POMZP3: variants seen among roughly 807,000 people sequenced by gnomAD.
POMZP3 encodes the protein POM121 and ZP3 fusion protein.
POMZP3 carries 10 observed loss-of-function variants against 19.8 expected under a neutral mutation model. The ratio of observed to expected loss-of-function variants is 0.51; its 90% CI spans 0.31 to 0.86. The LOEUF (loss-of-function observed/expected upper bound fraction) is 0.86. POMZP3 is among the 40% of genes least tolerant of loss of function. POMZP3 has a pLI of 0.04. For missense variants in POMZP3, 152 were observed against 228.1 expected, an observed-to-expected ratio of 0.67 and a Z score of 2.15; for synonymous variants, 57 against 85.8, an observed-to-expected ratio of 0.66 and a Z score of 1.85.
chr7:76,618,796 A>G (rs1489480440), intron 3 of POMZP3, among the ~76,000 whole-genome samples: 1 of 151,706 alleles, frequency 6.6e-6, no homozygotes, highest in African/African-American at 2.4e-5. Context: ...ATTGTTAAAG[A>G]TTTTATTTAT....
intron 6 of POMZP3, among the ~76,000 whole-genome samples, chr7:76,610,435 C>T (rs1815037741): frequency 6.6e-6 from 1 of 151,952 alleles, no homozygotes; most frequent in Non-Finnish European, 1.5e-5. Context: ...GGCAGATCAC[C>T]TGAGGTCAGG....
chr7:76,611,678 C>G, intron 5 of POMZP3, 44 bp downstream of exon 5: 2 of 1,524,354 alleles, frequency 1.3e-6, no homozygotes, highest in Non-Finnish European at 1.8e-6. Context: ...GACAAGGGGT[C>G]GCCGATTCAG....
chr7:76,619,918 C>G (rs1815460763), intron 3 of POMZP3, among the ~76,000 whole-genome samples: 1 of 94,826 alleles, frequency 1.1e-5, no homozygotes, highest in African/African-American at 4.8e-5. Context: ...ACTTGGGAGA[C>G]TGAGGCAGGA....
chr7:76,619,314 G>T (rs1466848536), intron 3 of POMZP3, among the ~76,000 whole-genome samples: 1 of 152,170 alleles, frequency 6.6e-6, no homozygotes, highest in Admixed American at 6.5e-5. Flanking sequence ...CCTCAATCCA[G>T]GGGGCAGAGG....
intron 3 of POMZP3, among the ~76,000 whole-genome samples, chr7:76,623,592 AG>A (rs1279189480): frequency 6.8e-6 from 1 of 147,810 alleles, no homozygotes; most frequent in Non-Finnish European, 1.5e-5. Context: ...TGAGGTCAGG[AG>A]TTTCAGACCA....
chr7:76,623,917 GTTAT>G (rs1429528907), intron 3 of POMZP3, among the ~76,000 whole-genome samples: 18 of 149,182 alleles, frequency 1.2e-4, no homozygotes, highest in East Asian at 5.9e-4. Flanking sequence ...TAAGTTGGGG[GTTAT>G]TTAAAGATTG....
rs535106128 is a variant in POMZP3, at chr7:76,625,700, G to T, written c.66-17C>A. 1.2e-6 allele frequency: 2 copies of T among 1,609,698 alleles called. No individual in the cohort carries two copies. Among genetic ancestry groups the T allele is most frequent in the African/African-American group, 1.3e-5 (1 of 74,742 alleles). On this transcript the variant is annotated splice_polypyrimidine_tract_variant and intron_variant, in intron 2 of 6. Coordinates refer to ENST00000310842, the MANE Select transcript of POMZP3 (RefSeq NM_012230.5). ...TGCTCTGGTCTATAATGAAAGACAG[G>T]ATTCTAGCAGTAAGATATTTTAATT...
chr7:76,626,168 C>T lies in POMZP3; in HGVS notation c.-104G>A, dbSNP rs566633573. On this transcript the variant is annotated 5_prime_UTR_variant, in exon 2 of 7. Coordinates refer to ENST00000310842, the MANE Select transcript of POMZP3 (RefSeq NM_012230.5). ...ATACTGGGCCTGATGGATCGGATAGCGTCTTCGAGGTGTTATTACAAACCG... is the reference window on the plus strand; with the variant it reads ...ATACTGGGCCTGATGGATCGGATAGTGTCTTCGAGGTGTTATTACAAACCG... 3.1e-6 allele frequency: 5 copies of T among 1,594,576 alleles called. No individual in the cohort carries two copies. In the African/African-American group the frequency reaches 4.0e-5, roughly 13 times the overall value.
chr7:76,625,777 T>C lies in POMZP3; in HGVS notation c.66-94A>G, dbSNP rs557925172. 1.5e-4 allele frequency: 217 copies of C among 1,455,880 alleles called. 5 individuals carry two copies. The South Asian group carries it at 2.6e-3, about 17-fold the overall frequency. 90.2% of individuals were successfully genotyped at this position (1,455,880 alleles called of 1,614,324 possible). A position where few individuals can be genotyped will look rare whatever the true frequency, so the allele number is the denominator to read the frequency against. ...AGAAGCTAACCAACAAGCCAAAGTA[T>C]AATTTATACACTCACAACAGTTCCC... On this transcript the variant is annotated intron_variant, in intron 2 of 6. Transcript: ENST00000310842.
At chr7:76,622,373 AGTT>A in intron 3 of POMZP3, among the ~76,000 whole-genome samples, 1 of 101,036 alleles carries the variant, frequency 9.9e-6, no homozygotes, top group Non-Finnish European at 2.0e-5. Context: ...ATCATTCTCA[AGTT>A]TTTTTTTTTT....
At position 76,626,866 on chromosome 7, in the gene POMZP3, G is replaced by A. The variant is rs1815935451; in HGVS notation, c.-310C>T. 7.1e-7 allele frequency: 1 copy of A among 1,401,576 alleles called. No homozygotes were observed. The highest frequency in any genetic ancestry group is 9.2e-7 in the Non-Finnish European group (1 of 1,087,336). 86.8% of individuals were successfully genotyped at this position (1,401,576 alleles called of 1,614,324 possible). ...CCGCAGGTCCTGGCCCTCCGGAGCG[G>A]GGGCGGGCTGCGGCGGCCCGGGCTT... On this transcript the variant is annotated 5_prime_UTR_variant, in exon 1 of 7. Coordinates refer to ENST00000310842, the MANE Select transcript of POMZP3 (RefSeq NM_012230.5).
chr7:76,621,791 G>T (rs1402802938), intron 3 of POMZP3, among the ~76,000 whole-genome samples: 6 of 151,594 alleles, frequency 4.0e-5, no homozygotes, highest in East Asian at 2.0e-4. Context: ...ATACAAAAAA[G>T]TAGCCGGATA....
At chr7:76,610,344 C>A (rs1815032400) in intron 6 of POMZP3, 129 bp from the exon 7 acceptor site, 2 of 1,213,520 alleles carry the variant, frequency 1.6e-6, no homozygotes, top group Non-Finnish European at 2.4e-6. Flanking sequence ...TAAACAGTTT[C>A]TAGACAAAAA....
chr7:76,624,103 A>C (rs1345788034), intron 3 of POMZP3, among the ~76,000 whole-genome samples: 1 of 105,742 alleles, frequency 9.5e-6, no homozygotes, highest in Non-Finnish European at 2.0e-5. Flanking sequence ...AGAGGAAAGG[A>C]AAGTAAATTT....
intron 3 of POMZP3, 32 bp downstream of exon 3, chr7:76,625,490 A>T (rs777785885): frequency 2.4e-5 from 38 of 1,606,324 alleles, no homozygotes; most frequent in Middle Eastern, 1.7e-4. Context: ...TCCAAGCGGG[A>T]AACTGGCTTA....
chr7:76,613,524 T>TTTTTTTTTA, intron 4 of POMZP3, among the ~76,000 whole-genome samples: 1 of 77,940 alleles, frequency 1.3e-5, no homozygotes, highest in South Asian at 4.9e-4. Context: ...TTTTTTTTTT[T>TTTTTTTTTA]TCTGAGACGG....
rs761563427 is a variant in POMZP3 at position 76,626,106 on chromosome 7, C to G, written c.-42G>C. ...GACAGCACAGCCTTCTTGTGATAACCATTCCAGCACACTGTGGGAAGTACC... is the reference window on the plus strand; with the variant it reads ...GACAGCACAGCCTTCTTGTGATAACGATTCCAGCACACTGTGGGAAGTACC... On this transcript the variant is annotated 5_prime_UTR_variant, in exon 2 of 7. It removes an upstream start codon present in the reference 5' UTR. Coordinates refer to ENST00000310842, the MANE Select transcript of POMZP3 (RefSeq NM_012230.5). 6.2e-7 allele frequency: 1 copy of G among 1,613,642 alleles called. No homozygotes were observed. Among genetic ancestry groups the G allele is most frequent in the Admixed American group, 1.7e-5 (1 of 59,962 alleles).
chr7:76,610,368 C>T (rs1455978610), intron 6 of POMZP3, among the ~76,000 whole-genome samples, 153 bp from the exon 7 acceptor site: 2 of 152,042 alleles, frequency 1.3e-5, no homozygotes, highest in Admixed American at 6.6e-5. Flanking sequence ...ACAGCTTTCT[C>T]GGCCAGGTGT....
chr7:76,617,664 C>A (rs1327155263), intron 4 of POMZP3, among the ~76,000 whole-genome samples: 2 of 103,512 alleles, frequency 1.9e-5, no homozygotes, highest in Non-Finnish European at 3.8e-5. Flanking sequence ...CTGCAGAAAG[C>A]CTCCAGGAAG....
Sources: gnomAD v4.1 joint callset for allele counts (sites outside exome capture counted in the v4.1 genomes callset) on GRCh38, gnomAD v4.1.1 for gene constraint, MANE v1.5 for transcripts, NCBI Gene and HGNC (gene_info 2026-07-23, HGNC 2026-07-21) for gene names.